Variants in NKAIN3 observed in about 807,000 individuals in gnomAD.
NKAIN3 encodes sodium/potassium-transporting ATPase subunit beta-1-interacting protein 3.
In NKAIN3, 25 loss-of-function variants were observed where a neutral mutation model predicts 30.2. That is an observed-to-expected ratio of 0.83 (90% confidence interval 0.60 to 1.16). The LOEUF (loss-of-function observed/expected upper bound fraction) is 1.16, where lower values mean the gene tolerates loss of function less well. Among genes scored for constraint, NKAIN3 ranks in the 50% most tolerant of loss-of-function variants. NKAIN3 has a pLI of 0.00. For synonymous variants in NKAIN3, 91 were observed against 89.6 expected (o/e 1.02, Z -0.09); for missense variants, 225 against 254.1 (o/e 0.89, Z 0.78).
At chr8:62,311,454 C>A (rs1814427533) in intron 1 of NKAIN3, among the ~76,000 whole-genome samples, 1 of 150,456 alleles carries the variant, frequency 6.6e-6, no homozygotes, top group African/African-American at 2.5e-5. Context: ...TGACTAAGTT[C>A]ATTCTGAAAA....
intron 4 of NKAIN3, among the ~76,000 whole-genome samples, chr8:62,848,564 T>C (rs1164200644): frequency 6.6e-6 from 1 of 152,188 alleles, no homozygotes; most frequent in Non-Finnish European, 1.5e-5. Context: ...TTAAGAAGCT[T>C]CTTGGCCGAG....
chr8:62,575,534 A>G (rs1162160507), intron 1 of NKAIN3, among the ~76,000 whole-genome samples: 1 of 152,160 alleles, frequency 6.6e-6, no homozygotes, highest in Non-Finnish European at 1.5e-5. Context: ...AAATGTCTAC[A>G]CTACCCAAGG....
chr8:62,733,066 C>T (rs1165440226), intron 3 of NKAIN3, among the ~76,000 whole-genome samples: 1 of 152,030 alleles, frequency 6.6e-6, no homozygotes, highest in Non-Finnish European at 1.5e-5. Flanking sequence ...TCTACTACTT[C>T]AAAATCATAT....
chr8:62,988,080 C>T (rs1032687947), downstream of NKAIN3, among the ~76,000 whole-genome samples: 9 of 152,204 alleles, frequency 5.9e-5, no homozygotes, highest in African/African-American at 2.2e-4. Context: ...AAATGATCTC[C>T]TTTGACTCCA....
At chr8:62,813,463 G>A (rs774239328) in intron 4 of NKAIN3, among the ~76,000 whole-genome samples, 11 of 149,326 alleles carry the variant, frequency 7.4e-5, no homozygotes, top group Middle Eastern at 3.5e-3. Context: ...TCATTGGTCA[G>A]TGAGCTTCTT....
chr8:62,304,288 A>G lies in NKAIN3; in HGVS notation c.54+55161A>G, dbSNP rs556364383. On this transcript the variant is annotated intron_variant, in intron 1 of 6. Coordinates refer to ENST00000623646, the MANE Select transcript of NKAIN3 (RefSeq NM_001304533.3). ...GAGAAATGTAGTATAGCTTGGTGCA[A>G]GTGTTTTTTGTGGAGCTCCAATTCA... Among the ~76,000 whole-genome samples, 9 of 150,458 alleles carry G rather than the reference A, an allele frequency of 6.0e-5. No homozygotes were observed. In the South Asian group the frequency reaches 1.4e-3, roughly 24 times the overall value.
intron 1 of NKAIN3, among the ~76,000 whole-genome samples, chr8:62,403,520 C>G: frequency 6.6e-6 from 1 of 152,204 alleles, no homozygotes; most frequent in African/African-American, 2.4e-5. Flanking sequence ...GCCACTCCAG[C>G]CATGGCTGAA....
chr8:62,523,561 TG>T (rs1463909270), intron 1 of NKAIN3, among the ~76,000 whole-genome samples: 3 of 152,282 alleles, frequency 2.0e-5, no homozygotes, highest in Admixed American at 2.0e-4. Context: ...AATAACCCAC[TG>T]GGTTTCACTG....
rs1823863345 is a variant in NKAIN3, at chr8:62,972,878, A to C, written c.*7471A>C. Among the ~76,000 whole-genome samples, 1 of 150,334 alleles carries C rather than the reference A, an allele frequency of 6.7e-6. No individual in the cohort carries two copies. Among genetic ancestry groups the C allele is most frequent in the African/African-American group, 2.5e-5 (1 of 40,488 alleles). On this transcript the variant is annotated 3_prime_UTR_variant, in exon 7 of 7. Transcript: ENST00000623646. ...GTGTGATGTTCCCCTCCCTGTGCCC[A>C]TATGTTCTCATTGTTCAACTCCCAC... is the stretch of plus-strand genomic sequence containing the variant.
At chr8:62,326,255 T>TA (rs1260807078) in intron 1 of NKAIN3, among the ~76,000 whole-genome samples, 3 of 151,846 alleles carry the variant, frequency 2.0e-5, no homozygotes, top group African/African-American at 7.2e-5. Flanking sequence ...GAAAGGTCAG[T>TA]CCTCAAAAAA....
Position 62,449,748 on chromosome 8 carries a change from G to A in NKAIN3, c.55-129791G>A, listed in dbSNP as rs1279626214. On this transcript the variant is annotated intron_variant, in intron 1 of 6. Transcript: ENST00000623646. ...ATTTTTCCCCTTTACTTGTTGATGA[G>A]TTTTTGTCTCATTGAGTCGTCAGAA... is the stretch of plus-strand genomic sequence containing the variant. 4.6e-5 allele frequency among the ~76,000 whole-genome samples: 7 copies of A among 152,076 alleles called. No homozygotes were observed. In the East Asian group the frequency reaches 1.3e-3, roughly 29 times the overall value.
chr8:62,616,772 C>A (rs777392616), intron 3 of NKAIN3, among the ~76,000 whole-genome samples: 3 of 152,056 alleles, frequency 2.0e-5, no homozygotes, highest in Admixed American at 6.6e-5. Flanking sequence ...CTTTAGCAAC[C>A]AGCTCCCATC....
intron 1 of NKAIN3, among the ~76,000 whole-genome samples, chr8:62,553,539 CTTT>C (rs34367834): frequency 1.4e-5 from 2 of 142,910 alleles, no homozygotes; most frequent in Admixed American, 7.0e-5. Flanking sequence ...ATACTGAACA[CTTT>C]TTTTTTTTTT....
downstream of NKAIN3, among the ~76,000 whole-genome samples, chr8:62,989,822 A>G (rs947501930): frequency 7.9e-5 from 12 of 152,336 alleles, no homozygotes; most frequent in African/African-American, 2.9e-4. Context: ...TACTTCCATT[A>G]TTAGACATTG....
intron 1 of NKAIN3, among the ~76,000 whole-genome samples, chr8:62,372,850 C>T (rs1018704331): frequency 6.6e-6 from 1 of 151,936 alleles, no homozygotes; most frequent in Non-Finnish European, 1.5e-5. Context: ...TAAAATAAAC[C>T]TTTTAACAGT....
At chr8:62,433,699 G>A (rs559756490) in intron 1 of NKAIN3, among the ~76,000 whole-genome samples, 5 of 152,134 alleles carry the variant, frequency 3.3e-5, no homozygotes, top group South Asian at 2.1e-4. Context: ...AGCAAAAACC[G>A]CAATTAATTT....
chr8:62,850,803 C>G (rs1283124545), intron 4 of NKAIN3, among the ~76,000 whole-genome samples: 3 of 152,036 alleles, frequency 2.0e-5, no homozygotes, highest in African/African-American at 7.2e-5. Flanking sequence ...CTGTTCTGTT[C>G]CATTGGTCTA....
intron 3 of NKAIN3, among the ~76,000 whole-genome samples, chr8:62,660,576 GT>G (rs1812914921): frequency 1.3e-5 from 2 of 152,068 alleles, no homozygotes; most frequent in African/African-American, 4.8e-5. Flanking sequence ...TACCAAAACT[GT>G]TAGTGAAATG....
intron 4 of NKAIN3, among the ~76,000 whole-genome samples, chr8:62,858,878 G>C (rs557281374): frequency 6.6e-5 from 10 of 152,334 alleles, no homozygotes; most frequent in Admixed American, 6.5e-4. Flanking sequence ...GGCCAATGCT[G>C]CTTGGCTCCT....
Sources: allele counts gnomAD v4.1 joint callset (sites outside exome capture counted in the v4.1 genomes callset), GRCh38; gene constraint gnomAD v4.1.1; transcripts MANE v1.5; gene names NCBI Gene and HGNC (gene_info 2026-07-23, HGNC 2026-07-21).